FBXO16: variants seen among roughly 807,000 people sequenced by gnomAD.
FBXO16 encodes the protein F-box protein 16.
Under a neutral mutation model 41.0 loss-of-function variants are expected in FBXO16, and 31 were observed. That is an observed-to-expected ratio of 0.76 (90% CI 0.57 to 1.02). The LOEUF (loss-of-function observed/expected upper bound fraction) is 1.02. FBXO16 is among the 50% of genes least tolerant of loss of function. The pLI, the probability that FBXO16 is intolerant of heterozygous loss-of-function variation, is 0.00. For missense variants in FBXO16, 361 were observed against 346.2 expected (o/e 1.04, Z -0.34); for synonymous variants, 133 against 117.8 (o/e 1.13, Z -0.84).
In FBXO16 at chr8:28,445,032, CCAAA is replaced by C. The variant is rs532445349; in HGVS notation, c.843+2135_843+2138del. The stretch of plus-strand genomic sequence containing the variant: ...AACTGAGTCACACCCGCCTTGTATC[CCAAA>C]CAGCCAAGCTTGTCCTTGGCAAGCT... On this transcript the variant is annotated intron_variant, in intron 7 of 8. Coordinates refer to ENST00000380254, the MANE Select transcript of FBXO16 (RefSeq NM_172366.4). 3.0e-3 allele frequency among the ~76,000 whole-genome samples: 459 copies of C among 152,060 alleles called. 1 individual carries two copies. Among genetic ancestry groups the C allele is most frequent in the African/African-American group, 0.011 (445 of 41,490 alleles).
chr8:28,489,855 T>G (rs1208406295), intron 1 of FBXO16, among the ~76,000 whole-genome samples: 1 of 152,178 alleles, frequency 6.6e-6, no homozygotes, highest in East Asian at 1.9e-4. Flanking sequence ...ACCCATACAT[T>G]GTAATATCAT....
In FBXO16 at chr8:28,432,240, G is replaced by A. The variant is rs182244270; in HGVS notation, c.844-2837C>T. Among the ~76,000 whole-genome samples the A allele has an allele frequency of 4.5e-3, 676 of 151,472 alleles. 10 individuals are homozygous for A. Among genetic ancestry groups the A allele is most frequent in the Non-Finnish European group, 4.1e-3 (280 of 67,834 alleles). On this transcript the variant is annotated intron_variant, in intron 7 of 8. Transcript: ENST00000380254. ...TGTAATCCCAGCACTTTGGGAGGCC[G>A]ATGTGGGCGGATCACCTGAGGTCAG...
At chr8:28,441,045 G>T (rs190063710) in intron 7 of FBXO16, among the ~76,000 whole-genome samples, 2 of 152,292 alleles carry the variant, frequency 1.3e-5, no homozygotes, top group Non-Finnish European at 2.9e-5. Context: ...AGACTTCTAA[G>T]ATCTTGCTTC....
intron 3 of FBXO16, among the ~76,000 whole-genome samples, chr8:28,469,808 G>A (rs543186691): frequency 6.6e-6 from 1 of 152,306 alleles, no homozygotes; most frequent in African/African-American, 2.4e-5. Flanking sequence ...GGCTGAGGTA[G>A]GTGAATCTCT....
At chr8:28,469,179 G>A (rs1176801437) in intron 3 of FBXO16, among the ~76,000 whole-genome samples, 1 of 152,048 alleles carries the variant, frequency 6.6e-6, no homozygotes, top group Non-Finnish European at 1.5e-5. Flanking sequence ...TGGGCATGGT[G>A]GCACATGCCT....
chr8:28,436,486 A>G (rs1802689232), intron 7 of FBXO16, among the ~76,000 whole-genome samples: 1 of 152,200 alleles, frequency 6.6e-6, no homozygotes, highest in African/African-American at 2.4e-5. Flanking sequence ...CCTTGGGGTA[A>G]TATTTTTAGC....
At chr8:28,448,423 A>T (rs995410752) in intron 6 of FBXO16, among the ~76,000 whole-genome samples, 1 of 152,010 alleles carries the variant, frequency 6.6e-6, no homozygotes, top group Non-Finnish European at 1.5e-5. Context: ...ACCAAAAGTT[A>T]GATTTCTCCA....
At chr8:28,436,739 A>G (rs900206312) in intron 7 of FBXO16, among the ~76,000 whole-genome samples, 3 of 152,148 alleles carry the variant, frequency 2.0e-5, no homozygotes, top group Non-Finnish European at 4.4e-5. Context: ...TGCTACATAC[A>G]TATATCTTAT....
chr8:28,449,744 T>G (rs1802922247), intron 6 of FBXO16, among the ~76,000 whole-genome samples: 1 of 151,230 alleles, frequency 6.6e-6, no homozygotes, highest in South Asian at 2.1e-4. Flanking sequence ...GAGGCTGAGG[T>G]GTGAGGATCA....
chr8:28,470,808 A>G (rs1803322822), intron 3 of FBXO16, among the ~76,000 whole-genome samples: 1 of 152,190 alleles, frequency 6.6e-6, no homozygotes, highest in Non-Finnish European at 1.5e-5. Context: ...ATTGACTTGT[A>G]GGAACTCTTT....
Position 28,428,697 on chromosome 8 carries a change from G to T in FBXO16, c.*30C>A. On this transcript the variant is annotated 3_prime_UTR_variant, in exon 9 of 9. Coordinates refer to ENST00000380254, the MANE Select transcript of FBXO16 (RefSeq NM_172366.4). Reference sequence around the variant, plus strand: ...GACTCAGGGGGAGGCCAGGCGAGATGAGCTGGAACTTTTAGGGGAGAGCTG... The same window carrying T: ...GACTCAGGGGGAGGCCAGGCGAGATTAGCTGGAACTTTTAGGGGAGAGCTG... The T allele has an allele frequency of 6.4e-7, 1 of 1,574,714 alleles. No homozygotes were observed. Among genetic ancestry groups the T allele is most frequent in the East Asian group, 2.3e-5 (1 of 42,676 alleles).
intron 7 of FBXO16, among the ~76,000 whole-genome samples, chr8:28,441,736 C>CAAAA (rs1177604301): frequency 4.7e-5 from 4 of 84,544 alleles, no homozygotes; most frequent in African/African-American, 1.4e-4. Context: ...AACTCCGTCT[C>CAAAA]AAAAAAAAAA....
In FBXO16 at chr8:28,474,316, C is replaced by CAAAA; in HGVS notation, c.100-513_100-510dup. Among the ~76,000 whole-genome samples the CAAAA allele has an allele frequency of 2.4e-3, 134 of 56,650 alleles. 4 individuals carry two copies. Among genetic ancestry groups the CAAAA allele is most frequent in the Non-Finnish European group, 3.4e-3 (101 of 29,742 alleles). 37.2% of individuals were successfully genotyped at this position (56,650 alleles called of 152,430 possible). Reference sequence around the variant, plus strand: ...CCTGGGTAACAGAGCCAGACCCTGTCAAAAAAAAAAAAAAAAAAAAAAAAA... The same window carrying CAAAA: ...CCTGGGTAACAGAGCCAGACCCTGTCAAAAAAAAAAAAAAAAAAAAAAAAAAAAA... On this transcript the variant is annotated intron_variant, in intron 2 of 8. Coordinates refer to ENST00000380254, the MANE Select transcript of FBXO16 (RefSeq NM_172366.4).
intron 7 of FBXO16, among the ~76,000 whole-genome samples, chr8:28,439,352 C>G (rs1237089951): frequency 1.3e-5 from 2 of 152,050 alleles, no homozygotes; most frequent in Admixed American, 6.6e-5. Flanking sequence ...AATGGAATTC[C>G]CAGGAATTTC....
chr8:28,450,441 T>C (rs1452909757), intron 6 of FBXO16, among the ~76,000 whole-genome samples: 1 of 152,174 alleles, frequency 6.6e-6, no homozygotes, highest in Non-Finnish European at 1.5e-5. Flanking sequence ...ACCAAAAATT[T>C]AGACAAATTG....
chr8:28,478,037 C>T (rs1387636310), intron 2 of FBXO16, among the ~76,000 whole-genome samples: 2 of 152,102 alleles, frequency 1.3e-5, no homozygotes, highest in Non-Finnish European at 2.9e-5. Context: ...ACCAGCTTGG[C>T]ATAATCATAC....
rs1360415207 is a variant in FBXO16 at position 28,463,674 on chromosome 8, T to C, written c.280A>G (p.Arg94Gly). Residue 94 changes from arginine (R) to glycine (G), a missense_variant, in exon 4 of 9, where the codon AGG becomes GGG. By Grantham distance (125) the Arg-to-Gly change is moderately radical. Transcript: ENST00000380254. Reference protein sequence around the residue: ...EALDFTTKLPRVLSLYIFSFL... With the variant: ...EALDFTTKLPGVLSLYIFSFL... ...GAAAAGATGTATAAAGATAACACCCTTGGAAGCTTGGTTGTAAAGTCCAGG... is the reference window on the plus strand; with the variant it reads ...GAAAAGATGTATAAAGATAACACCCCTGGAAGCTTGGTTGTAAAGTCCAGG... 2.5e-6 allele frequency: 4 copies of C among 1,614,106 alleles called. No individual in the cohort carries two copies. The African/African-American group carries it at 5.3e-5, about 22-fold the overall frequency.
At chr8:28,470,703 A>G (rs1803320628) in intron 3 of FBXO16, among the ~76,000 whole-genome samples, 1 of 152,200 alleles carries the variant, frequency 6.6e-6, no homozygotes, top group Admixed American at 6.5e-5. Context: ...TTTTGGTAAA[A>G]TTGAGCATAT....
intron 3 of FBXO16, among the ~76,000 whole-genome samples, chr8:28,473,477 A>G (rs1803369305): frequency 6.6e-6 from 1 of 152,066 alleles, no homozygotes; most frequent in Non-Finnish European, 1.5e-5. Flanking sequence ...TGTCCTTATA[A>G]AGAAGACCCC....
Sources: gnomAD v4.1 joint callset for allele counts (sites outside exome capture counted in the v4.1 genomes callset) on GRCh38, gnomAD v4.1.1 for gene constraint, MANE v1.5 for transcripts, NCBI Gene and HGNC (gene_info 2026-07-23, HGNC 2026-07-21) for gene names.